The following AKAP8L variants were observed in gnomAD, a reference collection of about 807,000 sequenced individuals.
AKAP8L encodes the protein A-kinase anchor protein 8-like.
Under a neutral mutation model 77.5 loss-of-function variants are expected in AKAP8L, and 34 were observed. The observed-to-expected ratio is 0.44, with a 90% CI of 0.33 to 0.58. The LOEUF (loss-of-function observed/expected upper bound fraction) is 0.58. Among genes scored for constraint, AKAP8L ranks in the 20% least tolerant of loss-of-function variants. The probability of loss-of-function intolerance (pLI) is 0.02; values close to 1 mark genes in which losing one functional copy is unlikely to be tolerated. For synonymous variants in AKAP8L, 342 were observed against 340.7 expected (o/e 1.00, Z -0.04); for missense variants, 806 against 887.6 (o/e 0.91, Z 1.17).
chr19:15,411,352 T>G (rs563942584), intron 1 of AKAP8L, among the ~76,000 whole-genome samples: 1 of 151,712 alleles, frequency 6.6e-6, no homozygotes, highest in East Asian at 2.0e-4. Context: ...AAAGTGTGTA[T>G]AACAATTATA....
chr19:15,383,110 A>T (rs1189047659), intron 12 of AKAP8L: 1 of 152,202 alleles, frequency 6.6e-6, no homozygotes, highest in Non-Finnish European at 1.5e-5. Context: ...TACATTTTTC[A>T]TTTATATGTA....
chr19:15,417,812 G>A (rs1408994447), intron 1 of AKAP8L: 6 of 152,242 alleles, frequency 3.9e-5, no homozygotes, highest in African/African-American at 1.4e-4. Flanking sequence ...CAAACAGGGA[G>A]GCCTAGTGTA....
In AKAP8L at chr19:15,403,701, C is replaced by T; in HGVS notation, c.136G>A (p.Gly46Ser). ...TCCTGGCCATAGCCATAGCCATAGC[C>T]ATAGCCCTCGTAGCCTGCAGTGAGG... is the stretch of plus-strand genomic sequence containing the variant. ...SGTNRGYEGY[G>S]YGYGYGQDNT... is the part of the protein sequence containing the mutation. Residue 46 changes from glycine (G) to serine (S), a missense_variant, in exon 4 of 14, where the codon GGC becomes AGC. Transcript: ENST00000397410. This position sits in a 1 kb window ranked among gnomAD's most constrained non-coding sequence, Gnocchi z 4.3. 1.3e-6 allele frequency: 2 copies of T among 1,588,462 alleles called. No individual in the cohort carries two copies. Among genetic ancestry groups the T allele is most frequent in the East Asian group, 4.6e-5 (2 of 43,740 alleles).
chr19:15,393,673 C>A (rs1967710171), intron 12 of AKAP8L, among the ~76,000 whole-genome samples: 1 of 152,114 alleles, frequency 6.6e-6, no homozygotes, highest in South Asian at 2.1e-4. Flanking sequence ...GTAATCCCAC[C>A]ACTTTAGGAG....
chr19:15,380,071 G>GGTTT lies in AKAP8L; in HGVS notation c.*47_*50dup. On this transcript the variant is annotated 3_prime_UTR_variant, in exon 14 of 14. Transcript: ENST00000397410. ...GAGGTGGGATGGGAAAACTTTATTA[G>GGTTT]GTTTGGTTTCCAGCTTCGGCCACGC... 2.1e-6 allele frequency: 3 copies of GGTTT among 1,431,242 alleles called. No individual in the cohort carries two copies. The highest frequency in any genetic ancestry group is 2.7e-6 in the Non-Finnish European group (3 of 1,103,062). 88.7% of individuals were successfully genotyped at this position (1,431,242 alleles called of 1,614,324 possible). A position where few individuals can be genotyped will look rare whatever the true frequency, so the allele number is the denominator to read the frequency against.
intron 12 of AKAP8L, among the ~76,000 whole-genome samples, chr19:15,392,880 GA>G (rs1967691236): frequency 4.0e-5 from 1 of 25,198 alleles, no homozygotes; most frequent in Admixed American, 5.9e-4. Context: ...TGGGCAACAA[GA>G]GCAAAACTCT....
intron 12 of AKAP8L, among the ~76,000 whole-genome samples, chr19:15,395,983 CAA>C (rs751904092): frequency 0.019 from 775 of 40,490 alleles, 18 homozygotes; most frequent in African/African-American, 0.065. Flanking sequence ...GACTCCGTCT[CAA>C]AAAAAAAAAA....
chr19:15,385,103 A>G (rs1209429536), intron 12 of AKAP8L, among the ~76,000 whole-genome samples: 4 of 150,818 alleles, frequency 2.7e-5, no homozygotes, highest in Non-Finnish European at 4.4e-5. Flanking sequence ...TCAGCCTCCC[A>G]AGTAGCTGGG....
chr19:15,415,084 T>A (rs1207534811), intron 1 of AKAP8L, among the ~76,000 whole-genome samples: 1 of 152,178 alleles, frequency 6.6e-6, no homozygotes, highest in African/African-American at 2.4e-5. Context: ...GATTTCTAGT[T>A]CTGCAGCAAC....
intron 12 of AKAP8L, among the ~76,000 whole-genome samples, chr19:15,384,564 G>A (rs1367583520): frequency 6.6e-6 from 1 of 152,080 alleles, no homozygotes; most frequent in African/African-American, 2.4e-5. Flanking sequence ...CCTCCCCAAA[G>A]TGCTGGGATT....
At chr19:15,410,615 G>GGT (rs1968089435) in intron 1 of AKAP8L, 21 bp from the exon 2 acceptor site, 1 of 1,567,104 alleles carries the variant, frequency 6.4e-7, no homozygotes. Flanking sequence ...AGACAGTGGG[G>GGT]TTAATTTCCA....
At chr19:15,407,471 T>TA (rs200310616) in intron 2 of AKAP8L, among the ~76,000 whole-genome samples, 1,533 of 152,252 alleles carry the variant, frequency 0.01, 22 homozygotes, top group African/African-American at 0.035. Flanking sequence ...ATTGTGTATG[T>TA]AAAAAAATCT....
intron 12 of AKAP8L, among the ~76,000 whole-genome samples, chr19:15,387,462 A>G (rs189917335): frequency 2.0e-5 from 3 of 152,196 alleles, no homozygotes; most frequent in African/African-American, 7.2e-5. Context: ...TTCTTTCTGA[A>G]TATTTATTGG....
At chr19:15,389,345 A>G (rs1967611337) in intron 12 of AKAP8L, among the ~76,000 whole-genome samples, 1 of 152,174 alleles carries the variant, frequency 6.6e-6, no homozygotes, top group African/African-American at 2.4e-5. Flanking sequence ...CAACCATGGC[A>G]CACTATTAAG....
At chr19:15,404,959 G>A (rs1967967656) in intron 2 of AKAP8L, among the ~76,000 whole-genome samples, 1 of 152,234 alleles carries the variant, frequency 6.6e-6, no homozygotes, top group Admixed American at 6.5e-5. Context: ...GAGAGAAGCT[G>A]AGGAACTGCT....
intron 8 of AKAP8L, 162 bp downstream of exon 8, chr19:15,400,132 TG>T: frequency 1.5e-6 from 1 of 664,858 alleles, no homozygotes; most frequent in Non-Finnish European, 2.6e-6. Context: ...GGGAAGGGGG[TG>T]GAGGCGGCGA....
chr19:15,407,848 C>T (rs1968031016), intron 2 of AKAP8L, among the ~76,000 whole-genome samples: 1 of 152,212 alleles, frequency 6.6e-6, no homozygotes, highest in East Asian at 1.9e-4. Context: ...AGATCCAAGG[C>T]TCTCTCACTC....
At chr19:15,400,395 T>A in intron 7 of AKAP8L, 37 bp from the exon 8 acceptor site, 3 of 232,590 alleles carry the variant, frequency 1.3e-5, no homozygotes, top group Non-Finnish European at 2.1e-5. Flanking sequence ...AACAGGTGCC[T>A]TTTTTTTTTT....
At chr19:15,400,232 G>A (rs1422922574) in intron 8 of AKAP8L, 63 bp downstream of exon 8, 2 of 1,561,274 alleles carry the variant, frequency 1.3e-6, no homozygotes, top group Non-Finnish European at 1.8e-6. Context: ...CCTCAGCTGG[G>A]TCCCTCCCAC....
Sources: gnomAD v4.1 joint callset for allele counts (sites outside exome capture counted in the v4.1 genomes callset) on GRCh38, gnomAD v4.1.1 for gene constraint, Gnocchi (gnomAD v3.1) non-coding constraint, MANE v1.5 for transcripts, NCBI Gene and HGNC (gene_info 2026-07-23, HGNC 2026-07-21) for gene names.